Variants in NBPF15 observed in about 807,000 individuals in gnomAD.
The protein encoded by NBPF15 is NBPF member 15.
Under a neutral mutation model 62.2 loss-of-function variants are expected in NBPF15, and 74 were observed. The observed-to-expected ratio is 1.19, with a 90% CI of 0.99 to 1.44. The LOEUF is 1.44. NBPF15 is among the 40% of genes most tolerant of loss of function. NBPF15 has a pLI of 0.00. For synonymous variants in NBPF15, 244 were observed against 209.7 expected (o/e 1.16, Z -1.41); for missense variants, 790 against 550.0 (o/e 1.44, Z -4.36).
intron 6 of NBPF15, among the ~76,000 whole-genome samples, chr1:144,445,270 G>GTATATATATATATATATA (rs59434439): frequency 9.5e-6 from 1 of 105,014 alleles, no homozygotes; most frequent in Non-Finnish European, 1.9e-5. Context: ...GTCTGTATAT[G>GTATATATATATATATATA]TATATATATA....
intron 4 of NBPF15, among the ~76,000 whole-genome samples, chr1:144,452,232 A>G (rs1691640484): frequency 6.6e-6 from 1 of 152,034 alleles, no homozygotes; most frequent in Non-Finnish European, 1.5e-5. Context: ...CTCAATTTTA[A>G]TAGTAGATTT....
intron 2 of NBPF15, 124 bp from the exon 3 acceptor site, chr1:144,459,607 G>A (rs184369282): frequency 4.9e-4 from 75 of 151,818 alleles, no homozygotes; most frequent in African/African-American, 1.7e-3. Flanking sequence ...TCGTAGAAAG[G>A]ACACATAACC....
intron 17 of NBPF15, 64 bp downstream of exon 17, chr1:144,426,983 T>G: frequency 4.0e-6 from 3 of 740,868 alleles, no homozygotes; most frequent in South Asian, 2.8e-5. Flanking sequence ...ACTCTTGTTT[T>G]CCCTGGACCT....
Position 144,435,136 on chromosome 1 carries a change from C to T in NBPF15, c.747G>A (p.Trp249Ter), listed in dbSNP as rs1677277216. ...CTGGAATAATGTGTACAGCATCCTC[C>T]CATTCAACATGAGAGGATGAGCCAA... ...TLIGSSSHVE[W>*]EDAVHIIPEN... Residue 249 changes from tryptophan (W) to a stop codon, truncating the protein, a stop_gained, in exon 12 of 22, where the codon TGG becomes TGA. Coordinates refer to ENST00000581897, the MANE Select transcript of NBPF15 (RefSeq NM_001385408.1). LOFTEE classifies it high-confidence loss of function. 2 of 1,612,742 alleles carry T rather than the reference C, an allele frequency of 1.2e-6. No individual in the cohort carries two copies. The highest frequency in any genetic ancestry group is 1.7e-6 in the Non-Finnish European group (2 of 1,179,724).
chr1:144,430,935 G>A (rs1196517740), intron 13 of NBPF15, among the ~76,000 whole-genome samples: 1 of 152,034 alleles, frequency 6.6e-6, no homozygotes, highest in Non-Finnish European at 1.5e-5. Flanking sequence ...GCATGCACAA[G>A]CTTCAGTAGC....
At chr1:144,455,101 A>G (rs1394101048) in intron 4 of NBPF15, among the ~76,000 whole-genome samples, 1 of 136,790 alleles carries the variant, frequency 7.3e-6, no homozygotes, top group Non-Finnish European at 1.5e-5. Context: ...GGAAGGAAGG[A>G]AGGAAGGAAG....
chr1:144,441,150 A>G (rs1682636009), intron 6 of NBPF15, among the ~76,000 whole-genome samples: 1 of 151,880 alleles, frequency 6.6e-6, no homozygotes, highest in Admixed American at 6.6e-5. Context: ...GTAACTATGA[A>G]TATTCTCATA....
Position 144,435,096 on chromosome 1 carries a change from G to A in NBPF15, c.772+15C>T, listed in dbSNP as rs1420270289. On this transcript the variant is annotated intron_variant, in intron 12 of 21. Coordinates refer to ENST00000581897, the MANE Select transcript of NBPF15 (RefSeq NM_001385408.1). The stretch of plus-strand genomic sequence containing the variant: ...CCTAGAGAGAGGTATGAGACACAAG[G>A]AAAACAGAGGCTACCTGGAATAATG... The A allele has an allele frequency of 3.9e-5, 63 of 1,612,350 alleles. No individual in the cohort carries two copies. Among genetic ancestry groups the A allele is most frequent in the Non-Finnish European group, 5.1e-5 (60 of 1,179,654 alleles).
intron 1 of NBPF15, 62 bp downstream of exon 1, chr1:144,461,319 G>T (rs1343807480): frequency 5.5e-5 from 8 of 146,508 alleles, no homozygotes; most frequent in Non-Finnish European, 1.0e-4. Context: ...TCCGTCGCTC[G>T]CAACAAAACT....
At chr1:144,433,358 T>C (rs1675908100) in intron 13 of NBPF15, among the ~76,000 whole-genome samples, 1 of 151,970 alleles carries the variant, frequency 6.6e-6, no homozygotes. Flanking sequence ...AGAAAAGATC[T>C]AAAATTGACA....
intron 8 of NBPF15, among the ~76,000 whole-genome samples, chr1:144,438,940 C>G (rs1263160469): frequency 1.3e-5 from 2 of 151,832 alleles, no homozygotes; most frequent in Non-Finnish European, 2.9e-5. Flanking sequence ...GGACTTCACT[C>G]TCACCAAGCT....
At chr1:144,451,285 A>G (rs1690944845) in intron 4 of NBPF15, among the ~76,000 whole-genome samples, 1 of 151,958 alleles carries the variant, frequency 6.6e-6, no homozygotes, top group Non-Finnish European at 1.5e-5. Flanking sequence ...TCCAGTCCTA[A>G]GGCAGTTTTC....
intron 6 of NBPF15, among the ~76,000 whole-genome samples, chr1:144,447,273 G>A (rs368954579): frequency 2.0e-5 from 3 of 151,924 alleles, no homozygotes; most frequent in South Asian, 2.1e-4. Context: ...TTAATGCCTT[G>A]GTGAGGAGAA....
At chr1:144,445,848 C>A (rs868975204) in intron 6 of NBPF15, among the ~76,000 whole-genome samples, 1 of 129,632 alleles carries the variant, frequency 7.7e-6, no homozygotes, top group Non-Finnish European at 1.7e-5. Flanking sequence ...ATTTTGTTGA[C>A]TTTCCTTTTT....
chr1:144,444,008 G>A (rs1167894716), intron 6 of NBPF15, among the ~76,000 whole-genome samples: 1 of 151,842 alleles, frequency 6.6e-6, no homozygotes, highest in Non-Finnish European at 1.5e-5. Flanking sequence ...GTGTTCTTTT[G>A]TGTTGCCTTC....
chr1:144,428,285 C>G (rs1317404797), intron 15 of NBPF15, among the ~76,000 whole-genome samples: 1 of 151,828 alleles, frequency 6.6e-6, no homozygotes, highest in Non-Finnish European at 1.5e-5. Flanking sequence ...TTTGTGCTCT[C>G]AGGACACACA....
At chr1:144,442,409 G>A (rs1240561611) in intron 6 of NBPF15, among the ~76,000 whole-genome samples, 1 of 140,390 alleles carries the variant, frequency 7.1e-6, no homozygotes, top group Non-Finnish European at 1.5e-5. Flanking sequence ...TAACACGTGT[G>A]TATATATATT....
At chr1:144,447,558 C>T (rs1421916442) in intron 6 of NBPF15, among the ~76,000 whole-genome samples, 1 of 151,604 alleles carries the variant, frequency 6.6e-6, no homozygotes, top group African/African-American at 2.4e-5. Flanking sequence ...GGGACAAGCC[C>T]CAAGTGGCAT....
chr1:144,461,318 C>G (rs1652892934), intron 1 of NBPF15, 63 bp downstream of exon 1: 1 of 151,368 alleles, frequency 6.6e-6, no homozygotes. Flanking sequence ...CTCCGTCGCT[C>G]GCAACAAAAC....
Sources: allele counts gnomAD v4.1 joint callset (sites outside exome capture counted in the v4.1 genomes callset), GRCh38; gene constraint gnomAD v4.1.1; transcripts MANE v1.5; gene names NCBI Gene and HGNC (gene_info 2026-07-23, HGNC 2026-07-21).